Variants in RIC8B observed in about 807,000 individuals in gnomAD.
RIC8B encodes RIC8 guanine nucleotide exchange factor B.
Under a neutral mutation model 57.5 loss-of-function variants are expected in RIC8B, and 16 were observed. That is an observed-to-expected ratio of 0.28 (90% CI 0.19 to 0.42). The LOEUF (loss-of-function observed/expected upper bound fraction) is 0.42. Ranked by LOEUF, RIC8B falls within the 10% of genes least tolerant of loss-of-function variation. RIC8B has a pLI of 1.00. For missense variants in RIC8B, 481 were observed against 677.0 expected (o/e 0.71, Z 3.21); for synonymous variants, 216 against 250.8 (o/e 0.86, Z 1.31).
intron 2 of RIC8B, among the ~76,000 whole-genome samples, chr12:106,806,754 C>T (rs1039189526): frequency 6.6e-6 from 1 of 152,036 alleles, no homozygotes; most frequent in Non-Finnish European, 1.5e-5. Context: ...TGCTTGAACC[C>T]GGGAGGCGGA....
At chr12:106,833,374 G>C (rs1017709821) in intron 4 of RIC8B, among the ~76,000 whole-genome samples, 1 of 152,124 alleles carries the variant, frequency 6.6e-6, no homozygotes, top group Admixed American at 6.5e-5. Flanking sequence ...GGCTGAGGTG[G>C]GCAGATCACT....
At chr12:106,847,746 A>G (rs1003562875) in intron 6 of RIC8B, among the ~76,000 whole-genome samples, 2 of 152,222 alleles carry the variant, frequency 1.3e-5, no homozygotes, top group African/African-American at 4.8e-5. Context: ...GGGATATAAT[A>G]GGTGCACAGT....
intron 7 of RIC8B, among the ~76,000 whole-genome samples, chr12:106,858,350 A>T (rs970120013): frequency 1.3e-5 from 2 of 152,144 alleles, no homozygotes; most frequent in Non-Finnish European, 2.9e-5. Flanking sequence ...GCTTACAATG[A>T]TAGCATCACC....
At chr12:106,827,594 G>A (rs984628358) in intron 4 of RIC8B, among the ~76,000 whole-genome samples, 1 of 152,140 alleles carries the variant, frequency 6.6e-6, no homozygotes, top group African/African-American at 2.4e-5. Context: ...CTGCCCTGCA[G>A]CCTGTCAAAA....
intron 2 of RIC8B, 125 bp downstream of exon 2, chr12:106,784,169 T>C (rs1033169687): frequency 1.1e-6 from 1 of 914,998 alleles, no homozygotes; most frequent in Non-Finnish European, 1.7e-6. Context: ...TTCATTTTGT[T>C]TTTTAGGAAC....
At chr12:106,875,297 T>C (rs1950612642) in intron 9 of RIC8B, among the ~76,000 whole-genome samples, 1 of 152,140 alleles carries the variant, frequency 6.6e-6, no homozygotes, top group Admixed American at 6.6e-5. Context: ...AGGGCAGAGA[T>C]GGAAAAGCGG....
chr12:106,824,107 C>T (rs1593216018), intron 3 of RIC8B, among the ~76,000 whole-genome samples: 2 of 152,124 alleles, frequency 1.3e-5, no homozygotes, highest in East Asian at 3.9e-4. Flanking sequence ...TTCCCCTTTC[C>T]CCCTACAATG....
At chr12:106,843,825 A>G (rs774453760) in intron 5 of RIC8B, 27 bp from the exon 6 acceptor site, 2 of 1,541,738 alleles carry the variant, frequency 1.3e-6, no homozygotes, top group East Asian at 4.5e-5. Context: ...AACGTATTTC[A>G]AAAACATATG....
intron 6 of RIC8B, among the ~76,000 whole-genome samples, chr12:106,844,678 A>G (rs1644010237): frequency 6.6e-6 from 1 of 152,228 alleles, no homozygotes; most frequent in African/African-American, 2.4e-5. Flanking sequence ...GTGGAGCACA[A>G]ATGGATGCAA....
At chr12:106,881,579 C>T (rs79964593) in intron 9 of RIC8B, among the ~76,000 whole-genome samples, 2,018 of 152,110 alleles carry the variant, frequency 0.013, 58 homozygotes, top group African/African-American at 0.046. Flanking sequence ...CATAGCCATA[C>T]GACTGGTGAA....
At chr12:106,872,689 A>AC (rs1452084481) in intron 9 of RIC8B, among the ~76,000 whole-genome samples, 1 of 151,198 alleles carries the variant, frequency 6.6e-6, no homozygotes, top group Non-Finnish European at 1.5e-5. Flanking sequence ...AAAAAAAACA[A>AC]ACCCGACAGA....
At chr12:106,784,861 T>C (rs1012597225) in intron 2 of RIC8B, among the ~76,000 whole-genome samples, 24 of 152,348 alleles carry the variant, frequency 1.6e-4, no homozygotes, top group African/African-American at 5.3e-4. Flanking sequence ...ATACCTAATA[T>C]CAGTGTCTTG....
intron 2 of RIC8B, among the ~76,000 whole-genome samples, chr12:106,799,854 G>T (rs768027060): frequency 2.6e-5 from 4 of 151,970 alleles, no homozygotes; most frequent in Admixed American, 1.3e-4. Context: ...CCTGTTCTCG[G>T]CTATCTTAGT....
chr12:106,843,334 G>C (rs1949037154), intron 5 of RIC8B, among the ~76,000 whole-genome samples: 1 of 152,098 alleles, frequency 6.6e-6, no homozygotes, highest in Admixed American at 6.6e-5. Context: ...CTTCATTCAA[G>C]CCCTTTGGCT....
intron 9 of RIC8B, among the ~76,000 whole-genome samples, chr12:106,883,329 A>G (rs1232014127): frequency 6.6e-6 from 1 of 152,180 alleles, no homozygotes; most frequent in African/African-American, 2.4e-5. Context: ...CTTTAGCACA[A>G]TCAGAACTAG....
At chr12:106,872,172 A>G (rs968873859) in intron 9 of RIC8B, among the ~76,000 whole-genome samples, 2 of 152,216 alleles carry the variant, frequency 1.3e-5, no homozygotes, top group Admixed American at 6.5e-5. Context: ...TGCAAATTAC[A>G]TTCTCCATAC....
At chr12:106,809,476 T>C (rs147980962) in intron 2 of RIC8B, among the ~76,000 whole-genome samples, 1,933 of 150,452 alleles carry the variant, frequency 0.013, 52 homozygotes, top group African/African-American at 0.046. Context: ...TGAGCCGAGA[T>C]TGTGCCACTG....
chr12:106,802,585 TA>T (rs1419412374), intron 2 of RIC8B, among the ~76,000 whole-genome samples: 15 of 149,700 alleles, frequency 1.0e-4, no homozygotes, highest in African/African-American at 3.4e-4. Context: ...TTTAAGGATT[TA>T]GGTCTGTTTA....
intron 2 of RIC8B, among the ~76,000 whole-genome samples, chr12:106,795,038 A>G (rs949282071): frequency 1.3e-5 from 2 of 152,232 alleles, no homozygotes; most frequent in Non-Finnish European, 2.9e-5. Context: ...TATTGAACTA[A>G]GGAAGCAAAT....
Sources: gnomAD v4.1 joint callset for allele counts (sites outside exome capture counted in the v4.1 genomes callset) on GRCh38, gnomAD v4.1.1 for gene constraint, MANE v1.5 for transcripts, NCBI Gene and HGNC (gene_info 2026-07-23, HGNC 2026-07-21) for gene names.